PTDSS2: variants seen among roughly 807,000 people sequenced by gnomAD.
The protein encoded by PTDSS2 is PSS-2.
Under a neutral mutation model 64.7 loss-of-function variants are expected in PTDSS2, and 41 were observed. The observed-to-expected ratio is 0.63, with a 90% confidence interval of 0.49 to 0.82. PTDSS2 has a LOEUF of 0.82. Among genes scored for constraint, PTDSS2 ranks in the 40% least tolerant of loss-of-function variants. PTDSS2 has a pLI of 0.00. For synonymous variants in PTDSS2, 297 were observed against 277.8 expected, an observed-to-expected ratio of 1.07 and a Z score of -0.69; for missense variants, 485 against 650.0, an observed-to-expected ratio of 0.75 and a Z score of 2.76.
At chr11:483,516 A>G (rs892398409) in intron 4 of PTDSS2, among the ~76,000 whole-genome samples, 1 of 152,234 alleles carries the variant, frequency 6.6e-6, no homozygotes, top group South Asian at 2.1e-4. Context: ...GAGTGTTTTT[A>G]TCATGAAAAG....
chr11:473,864 C>T, intron 2 of PTDSS2, 31 bp from the exon 3 acceptor site: 1 of 1,547,338 alleles, frequency 6.5e-7, no homozygotes, highest in Non-Finnish European at 8.9e-7. Context: ...AGCCTGCACA[C>T]ACTGAGGGGC....
At chr11:472,649 G>A (rs898769841) in intron 2 of PTDSS2, among the ~76,000 whole-genome samples, 4 of 152,190 alleles carry the variant, frequency 2.6e-5, no homozygotes, top group African/African-American at 9.7e-5. Context: ...AGCCTCGGGC[G>A]GTGCTTGGCC....
intron 4 of PTDSS2, among the ~76,000 whole-genome samples, chr11:484,612 C>T (rs964834472): frequency 5.0e-5 from 7 of 140,636 alleles, no homozygotes; most frequent in African/African-American, 1.3e-4. Context: ...GTGCTCACTG[C>T]GCAGGCATCT....
Position 462,104 on chromosome 11 carries a change from C to T in PTDSS2, c.284+1816C>T, listed in dbSNP as rs1392702025. ...AGGAGTGCAGGGGGTGTCTTGGGAG[C>T]ACTCCCCGAAAGCATTCACCAGGCC... is the stretch of plus-strand genomic sequence containing the variant. On this transcript the variant is annotated intron_variant, in intron 2 of 11. Transcript: ENST00000308020. This position sits in a 1 kb window ranked among gnomAD's most constrained non-coding sequence, Gnocchi z 4.5. 6.6e-6 allele frequency among the ~76,000 whole-genome samples: 1 copy of T among 152,100 alleles called. No homozygotes were observed. The highest frequency in any genetic ancestry group is 2.4e-5 in the African/African-American group (1 of 41,426).
Position 460,326 on chromosome 11 carries a change from T to C in PTDSS2, c.284+38T>C. 1.3e-6 allele frequency: 2 copies of C among 1,542,566 alleles called. No homozygotes were observed. Among genetic ancestry groups the C allele is most frequent in the Non-Finnish European group, 1.8e-6 (2 of 1,116,876 alleles). On this transcript the variant is annotated intron_variant, in intron 2 of 11. Transcript: ENST00000308020. The surrounding 1 kb of genome is among the most constrained non-coding windows in gnomAD (Gnocchi z 5.8). ...CTTGTCCTGCCTTCTGAAACTGCCC[T>C]GTGCCCCGTGTGGTGGGTGTGGCAC...
Position 478,730 on chromosome 11 carries a change from C to A in PTDSS2, c.368-355C>A, listed in dbSNP as rs184956798. Among the ~76,000 whole-genome samples, 116 of 151,906 alleles carry A rather than the reference C, an allele frequency of 7.6e-4. 2 individuals carry two copies. In the East Asian group the frequency reaches 0.018, roughly 24 times the overall value. On this transcript the variant is annotated intron_variant, in intron 3 of 11. Transcript: ENST00000308020. ...TGCACTCCAGCCTGGGCGACAGACTCCATCTAAAAAAAAAAGGTATCCACC... is the reference window on the plus strand; with the variant it reads ...TGCACTCCAGCCTGGGCGACAGACTACATCTAAAAAAAAAAGGTATCCACC...
At chr11:467,128 T>C (rs1171137481) in intron 2 of PTDSS2, among the ~76,000 whole-genome samples, 2 of 151,894 alleles carry the variant, frequency 1.3e-5, no homozygotes, top group Non-Finnish European at 1.5e-5. Flanking sequence ...GAGGCAGAGG[T>C]TGCAGTGAGC....
chr11:487,050 A>G lies in PTDSS2; in HGVS notation c.547A>G (p.Thr183Ala), dbSNP rs1379765349. The change falls in exon 5 of 12, where the codon ACT (threonine) becomes GCT (alanine). Residue 183 changes from threonine (T) to alanine (A), a missense_variant. Around this residue, in one of 3 missense-constraint regions of PTDSS2, gnomAD observed 251 missense variants for 348.0 expected, o/e 0.72. Coordinates refer to ENST00000308020, the MANE Select transcript of PTDSS2 (RefSeq NM_030783.3). ...CCTCATCTACGACCCAGACAATGAG[A>G]CTGACCCCTTTCACAACATCTGGGT... is the stretch of plus-strand genomic sequence containing the variant. ...NCLIYDPDNE[T>A]DPFHNIWDKL... 2 of 1,613,410 alleles carry G rather than the reference A, an allele frequency of 1.2e-6. No homozygotes were observed. Among genetic ancestry groups the G allele is most frequent in the Admixed American group, 1.7e-5 (1 of 59,982 alleles).
intron 2 of PTDSS2, among the ~76,000 whole-genome samples, chr11:471,290 G>T (rs543778031): frequency 2.0e-5 from 3 of 151,778 alleles, no homozygotes; most frequent in Non-Finnish European, 2.9e-5. Flanking sequence ...AGAGACAGGA[G>T]TTTCATGTCG....
At chr11:457,481 C>T (rs560186904) in intron 1 of PTDSS2, among the ~76,000 whole-genome samples, 1 of 152,120 alleles carries the variant, frequency 6.6e-6, no homozygotes, top group African/African-American at 2.4e-5. Flanking sequence ...GATGTTGCCC[C>T]GGCTGGTCTT....
At position 462,384 on chromosome 11, in the gene PTDSS2, G is replaced by A. The variant is rs958921524; in HGVS notation, c.284+2096G>A. Reference sequence around the variant, plus strand: ...GCCCCTGCGTGTGTTCATTGAGAGGGGCCAGGAGACGGGAATTCACGGGGC... The same window carrying A: ...GCCCCTGCGTGTGTTCATTGAGAGGAGCCAGGAGACGGGAATTCACGGGGC... On this transcript the variant is annotated intron_variant, in intron 2 of 11. Transcript: ENST00000308020. This position sits in a 1 kb window ranked among gnomAD's most constrained non-coding sequence, Gnocchi z 4.5. 1.3e-5 allele frequency among the ~76,000 whole-genome samples: 2 copies of A among 152,214 alleles called. No individual in the cohort carries two copies. The highest frequency in any genetic ancestry group is 2.1e-4 in the South Asian group (1 of 4,834).
rs150052570 is a variant in PTDSS2, at chr11:477,162, A to G, written c.368-1923A>G. ...TTAGTGACTGGGCCTCATGAGGAGG[A>G]GTGGAAATGGGCCCAGCCCGGCCAT... is the stretch of plus-strand genomic sequence containing the variant. On this transcript the variant is annotated intron_variant, in intron 3 of 11. Coordinates refer to ENST00000308020, the MANE Select transcript of PTDSS2 (RefSeq NM_030783.3). Among the ~76,000 whole-genome samples the G allele has an allele frequency of 4.5e-3, 692 of 152,190 alleles. 4 individuals are homozygous for G. The highest frequency in any genetic ancestry group is 0.016 in the African/African-American group (654 of 41,528).
chr11:449,821 C>T (rs1434548842), upstream of PTDSS2, among the ~76,000 whole-genome samples: 2 of 152,184 alleles, frequency 1.3e-5, no homozygotes, highest in Non-Finnish European at 2.9e-5. Flanking sequence ...ATGGCGGCCG[C>T]CTGTAATCCC....
chr11:482,133 A>C lies in PTDSS2; in HGVS notation c.435+2981A>C, dbSNP rs559710440. 1.6e-3 allele frequency among the ~76,000 whole-genome samples: 248 copies of C among 151,136 alleles called. 2 individuals carry two copies. Among genetic ancestry groups the C allele is most frequent in the African/African-American group, 5.3e-3 (218 of 41,110 alleles). On this transcript the variant is annotated intron_variant, in intron 4 of 11. Coordinates refer to ENST00000308020, the MANE Select transcript of PTDSS2 (RefSeq NM_030783.3). The stretch of plus-strand genomic sequence containing the variant: ...AGTGCTGGGATTATGGGCATGAGCC[A>C]CCGTGCCCGGCCGATGTCTTTTACT...
chr11:478,997 G>A (rs976823628), intron 3 of PTDSS2, 88 bp from the exon 4 acceptor site: 9 of 1,035,516 alleles, frequency 8.7e-6, no homozygotes, highest in Non-Finnish European at 1.4e-5. Flanking sequence ...GACACTGGGT[G>A]TGAAGGAGCC....
At chr11:481,096 AAAAG>A (rs1473370629) in intron 4 of PTDSS2, among the ~76,000 whole-genome samples, 2 of 151,890 alleles carry the variant, frequency 1.3e-5, no homozygotes, top group African/African-American at 2.4e-5. Context: ...AAAAAAAAAA[AAAAG>A]ATCTGCCTGC....
Position 456,762 on chromosome 11 carries a change from G to A in PTDSS2, c.183-3425G>A, listed in dbSNP as rs138197265. 5.3e-5 allele frequency among the ~76,000 whole-genome samples: 8 copies of A among 152,324 alleles called. No individual in the cohort carries two copies. The East Asian group carries it at 1.5e-3, about 29-fold the overall frequency. The stretch of plus-strand genomic sequence containing the variant: ...GAGGGCCTTCTGACGTGGGTTCTCT[G>A]CTGTGATTGTGGGCAGGTCTCTCAG... On this transcript the variant is annotated intron_variant, in intron 1 of 11. Coordinates refer to ENST00000308020, the MANE Select transcript of PTDSS2 (RefSeq NM_030783.3).
Position 487,444 on chromosome 11 carries a change from G to T in PTDSS2, c.595G>T (p.Ala199Ser). The T allele has an allele frequency of 1.2e-6, 2 of 1,613,974 alleles. No individual in the cohort carries two copies. The highest frequency in any genetic ancestry group is 1.1e-5 in the South Asian group (1 of 91,088). The stretch of plus-strand genomic sequence containing the variant: ...GGACAAGTTGGATGGCTTTGTTCCC[G>T]CGCACTTTCTTGGCTGGTACCTGAA... ...IWDKLDGFVP[A>S]HFLGWYLKTL... The change falls in exon 6 of 12, where the codon GCG becomes TCG. Residue 199 changes from alanine (A) to serine (S), a missense_variant. Physicochemically the swap from Ala to Ser is moderately conservative, Grantham distance 99 (BLOSUM62 1). Coordinates refer to ENST00000308020, the MANE Select transcript of PTDSS2 (RefSeq NM_030783.3).
chr11:450,780 A>C (rs1846281534), intron 1 of PTDSS2, 143 bp downstream of exon 1: 1 of 756,794 alleles, frequency 1.3e-6, no homozygotes, highest in Non-Finnish European at 1.8e-6. Context: ...GTGTGGCAGC[A>C]CCGCCCCCCG....
Sources: gnomAD v4.1 joint callset for allele counts (sites outside exome capture counted in the v4.1 genomes callset) on GRCh38, gnomAD v4.1.1 for gene constraint, gnomAD v4.1.1 regional missense constraint, Gnocchi (gnomAD v3.1) non-coding constraint, MANE v1.5 for transcripts, NCBI Gene and HGNC (gene_info 2026-07-23, HGNC 2026-07-21) for gene names.